Variants in DGKB observed in about 807,000 individuals in gnomAD.
The protein encoded by DGKB is diacylglycerol kinase beta.
A neutral mutation model predicts 114.3 loss-of-function variants in DGKB; 67 were observed. The ratio of observed to expected loss-of-function variants is 0.59; its 90% CI spans 0.48 to 0.72. DGKB has a LOEUF of 0.72. Among genes scored for constraint, DGKB ranks in the 30% least tolerant of loss-of-function variants. The pLI, the probability that DGKB is intolerant of heterozygous loss-of-function variation, is 0.00. For synonymous variants in DGKB, 398 were observed against 323.1 expected (o/e 1.23, Z -2.49); for missense variants, 907 against 975.2 (o/e 0.93, Z 0.93).
Position 14,338,685 on chromosome 7 carries a change from A to G in DGKB, c.1952T>C (p.Ile651Thr). ...IECDGVQIDLINISLEGIAIL... is the reference protein window; with the variant it reads ...IECDGVQIDLTNISLEGIAIL... The stretch of plus-strand genomic sequence containing the variant: ...AGCAATTCCTTCCAGAGAGATGTTT[A>G]TTAAATCTATCTGTACTCCATCACA... The change falls in exon 23 of 26, where the codon ATA (isoleucine) becomes ACA (threonine). Residue 651 changes from isoleucine to threonine, a missense_variant. Physicochemically the swap from Ile to Thr is moderately conservative, Grantham distance 89 (BLOSUM62 -1). Coordinates refer to ENST00000402815, the MANE Select transcript of DGKB (RefSeq NM_001350709.2). 6.3e-7 allele frequency: 1 copy of G among 1,586,480 alleles called. No individual in the cohort carries two copies. Among genetic ancestry groups the G allele is most frequent in the South Asian group, 1.2e-5 (1 of 86,722 alleles).
At chr7:14,361,333 AAAT>A (rs1815700336) in intron 21 of DGKB, among the ~76,000 whole-genome samples, 2 of 152,052 alleles carry the variant, frequency 1.3e-5, no homozygotes, top group Admixed American at 1.3e-4. Flanking sequence ...AAATGATAAG[AAAT>A]AAGAATCGGG....
chr7:14,180,630 G>T (rs1279753242), intron 23 of DGKB, among the ~76,000 whole-genome samples: 1 of 152,096 alleles, frequency 6.6e-6, no homozygotes, highest in Non-Finnish European at 1.5e-5. Context: ...AAAACAAAAT[G>T]AAACTCTAAA....
At chr7:14,485,194 T>C (rs1339228486) in intron 20 of DGKB, among the ~76,000 whole-genome samples, 1 of 150,558 alleles carries the variant, frequency 6.6e-6, no homozygotes, top group Admixed American at 6.6e-5. Flanking sequence ...GATGTTACAG[T>C]GTCTGAGGAA....
Position 14,613,407 on chromosome 7 carries a change from G to A in DGKB, c.1291C>T (p.Pro431Ser). ...TVDGQGLQVT[P>S]VPGTHPLLVF... is the part of the protein sequence containing the mutation. ...AAAAGTGGGTGAGTACCAGGCACAGGAGTGACCTATAAGAAAAGTTATATA... is the reference window on the plus strand; with the variant it reads ...AAAAGTGGGTGAGTACCAGGCACAGAAGTGACCTATAAGAAAAGTTATATA... Residue 431 changes from proline to serine, a missense_variant, in exon 16 of 26, where the codon CCT (proline) becomes TCT (serine). Transcript: ENST00000402815. The A allele has an allele frequency of 1.3e-6, 2 of 1,555,906 alleles. No homozygotes were observed. Among genetic ancestry groups the A allele is most frequent in the South Asian group, 2.4e-5 (2 of 84,114 alleles).
At chr7:14,182,717 G>A (rs1782820670) in intron 23 of DGKB, among the ~76,000 whole-genome samples, 1 of 152,136 alleles carries the variant, frequency 6.6e-6, no homozygotes, top group Non-Finnish European at 1.5e-5. Context: ...GGACACACGA[G>A]CAGCTCAGCT....
At chr7:14,604,632 A>G (rs1471288436) in intron 17 of DGKB, among the ~76,000 whole-genome samples, 1 of 152,166 alleles carries the variant, frequency 6.6e-6, no homozygotes, top group Non-Finnish European at 1.5e-5. Context: ...TCAGAGTAAT[A>G]GGGAGACCTT....
Position 14,259,405 on chromosome 7 carries a change from C to CTATA in DGKB, c.2122+79109_2122+79110insTATA, listed in dbSNP as rs1378019037. On this transcript the variant is annotated intron_variant, in intron 23 of 25. Coordinates refer to ENST00000402815, the MANE Select transcript of DGKB (RefSeq NM_001350709.2). ...TCTCTCTCTCTCTCTCTCTCTCTCTCTCTATATATATATATATATATATGG... is the reference window on the plus strand; with the variant it reads ...TCTCTCTCTCTCTCTCTCTCTCTCTCTATATCTATATATATATATATATATATGG... Among the ~76,000 whole-genome samples the CTATA allele has an allele frequency of 2.0e-4, 19 of 95,018 alleles. No individual in the cohort carries two copies. In the South Asian group the frequency reaches 3.9e-3, roughly 19 times the overall value. The allele number at this position is 95,018 out of a possible 152,430, so 62.3% of individuals were successfully genotyped here.
intron 2 of DGKB, among the ~76,000 whole-genome samples, chr7:14,776,830 A>C (rs1838274647): frequency 6.6e-6 from 1 of 152,202 alleles, no homozygotes; most frequent in Non-Finnish European, 1.5e-5. Context: ...AGCTGCGAGA[A>C]GTGTGCCACC....
intron 21 of DGKB, among the ~76,000 whole-genome samples, chr7:14,467,660 T>TGA (rs887748184): frequency 5.3e-5 from 8 of 152,164 alleles, no homozygotes; most frequent in African/African-American, 1.7e-4. Context: ...GCAATGTTTA[T>TGA]GAGTGAACCA....
intron 23 of DGKB, among the ~76,000 whole-genome samples, chr7:14,270,121 T>C (rs1469345241): frequency 6.9e-6 from 1 of 144,196 alleles, no homozygotes; most frequent in Non-Finnish European, 1.5e-5. Context: ...GTTTTATATA[T>C]AATGTGCATG....
chr7:14,923,131 T>C (rs1178842670), intron 1 of DGKB, among the ~76,000 whole-genome samples: 1 of 152,248 alleles, frequency 6.6e-6, no homozygotes, highest in East Asian at 1.9e-4. Flanking sequence ...TGGGTTCTGA[T>C]ATTGCTATTG....
At chr7:14,944,115 G>T (rs183073483) in intron 1 of DGKB, among the ~76,000 whole-genome samples, 3 of 151,862 alleles carry the variant, frequency 2.0e-5, no homozygotes, top group Non-Finnish European at 2.9e-5. Context: ...GTGTTGTTTT[G>T]CTTATCCCAA....
At chr7:14,477,546 AC>A (rs1782365777) in intron 21 of DGKB, among the ~76,000 whole-genome samples, 1 of 152,188 alleles carries the variant, frequency 6.6e-6, no homozygotes, top group Non-Finnish European at 1.5e-5. Flanking sequence ...TGGGGAAGAT[AC>A]GGAACCAAGG....
intron 19 of DGKB, among the ~76,000 whole-genome samples, chr7:14,574,993 C>T (rs1798916606): frequency 6.6e-6 from 1 of 152,092 alleles, no homozygotes; most frequent in Admixed American, 6.5e-5. Flanking sequence ...AGTGCTGCTG[C>T]TTATGCCTGT....
intron 21 of DGKB, among the ~76,000 whole-genome samples, chr7:14,430,918 A>G (rs1409861820): frequency 1.3e-5 from 2 of 152,148 alleles, no homozygotes; most frequent in Non-Finnish European, 2.9e-5. Context: ...TTCTACCTCT[A>G]GATTTGTTCT....
At chr7:14,876,521 G>A (rs548156364) in intron 1 of DGKB, among the ~76,000 whole-genome samples, 2 of 152,284 alleles carry the variant, frequency 1.3e-5, no homozygotes, top group South Asian at 4.1e-4. Context: ...GCATCAACTT[G>A]GTTACTGATC....
chr7:14,622,698 T>A (rs1445008802), intron 14 of DGKB, among the ~76,000 whole-genome samples: 4 of 152,188 alleles, frequency 2.6e-5, no homozygotes, highest in African/African-American at 9.6e-5. Flanking sequence ...TGAATCATTC[T>A]ACTTCCATTT....
rs115668549 is a variant in DGKB, at chr7:14,951,189, C to A, written c.-188+23507G>T. On this transcript the variant is annotated intron_variant, in intron 1 of 4. Coordinates refer to the DGKB transcript ENST00000437998. ...AAATTTTTCCTTCCTGAGATGGGAA[C>A]AAGACAAGGGTGTCTGCTGTTTCCA... 3.9e-3 allele frequency among the ~76,000 whole-genome samples: 594 copies of A among 152,048 alleles called. 10 individuals carry two copies. The highest frequency in any genetic ancestry group is 0.014 in the Middle Eastern group (4 of 294).
chr7:14,248,988 C>T (rs755914617), intron 23 of DGKB, among the ~76,000 whole-genome samples: 13 of 152,042 alleles, frequency 8.6e-5, no homozygotes, highest in Non-Finnish European at 1.8e-4. Flanking sequence ...TCTTGTATGG[C>T]GTTTATTACG....
Sources: allele counts gnomAD v4.1 joint callset (sites outside exome capture counted in the v4.1 genomes callset), GRCh38; gene constraint gnomAD v4.1.1; transcripts MANE v1.5; gene names NCBI Gene and HGNC (gene_info 2026-07-23, HGNC 2026-07-21).